NKAIN2: variants seen among roughly 807,000 people sequenced by gnomAD.
NKAIN2 encodes sodium/potassium-transporting ATPase subunit beta-1-interacting protein 2.
Under a neutral mutation model 32.6 loss-of-function variants are expected in NKAIN2, and 14 were observed. The observed-to-expected ratio is 0.43, with a 90% CI of 0.28 to 0.67. The LOEUF (loss-of-function observed/expected upper bound fraction) is 0.67. NKAIN2 is among the 30% of genes least tolerant of loss of function. The probability of loss-of-function intolerance (pLI) is 0.17; values close to 1 mark genes in which losing one functional copy is unlikely to be tolerated. For missense variants in NKAIN2, 198 were observed against 258.3 expected (o/e 0.77, Z 1.60); for synonymous variants, 80 against 87.2 (o/e 0.92, Z 0.46).
At chr6:124,102,513 A>G (rs1784935457) in intron 1 of NKAIN2, among the ~76,000 whole-genome samples, 1 of 152,150 alleles carries the variant, frequency 6.6e-6, no homozygotes, top group African/African-American at 2.4e-5. Context: ...CGATGCCCCA[A>G]GAGAGAAGGT....
intron 4 of NKAIN2, among the ~76,000 whole-genome samples, chr6:124,664,132 G>A (rs1772643627): frequency 6.6e-6 from 1 of 151,726 alleles, no homozygotes; most frequent in South Asian, 2.1e-4. Flanking sequence ...AAAATTTGCT[G>A]GACATGGTGG....
intron 3 of NKAIN2, among the ~76,000 whole-genome samples, chr6:124,415,162 A>T (rs1019686342): frequency 6.6e-6 from 1 of 152,152 alleles, no homozygotes. Flanking sequence ...ATAGCATCAG[A>T]TTCCACAGAT....
chr6:124,763,881 G>A (rs1303299557), intron 4 of NKAIN2, among the ~76,000 whole-genome samples: 1 of 152,112 alleles, frequency 6.6e-6, no homozygotes. Flanking sequence ...GTATTATAAA[G>A]CATTTGCTTC....
At chr6:123,868,796 C>T (rs1342467341) in intron 1 of NKAIN2, among the ~76,000 whole-genome samples, 1 of 152,092 alleles carries the variant, frequency 6.6e-6, no homozygotes, top group Non-Finnish European at 1.5e-5. Context: ...ACCAACTGTA[C>T]CTTGTACTCA....
intron 1 of NKAIN2, among the ~76,000 whole-genome samples, chr6:123,807,744 T>C (rs1413649627): frequency 1.3e-5 from 2 of 152,148 alleles, no homozygotes; most frequent in East Asian, 1.9e-4. Flanking sequence ...TTTTGTACTT[T>C]AGACTTCTGG....
At chr6:123,846,284 C>T (rs1240873574) in intron 1 of NKAIN2, among the ~76,000 whole-genome samples, 4 of 152,082 alleles carry the variant, frequency 2.6e-5, no homozygotes, top group Non-Finnish European at 5.9e-5. Context: ...TAGTTAAGTC[C>T]TCATAGGCTA....
intron 3 of NKAIN2, among the ~76,000 whole-genome samples, chr6:124,387,172 T>C (rs1772935474): frequency 1.3e-5 from 2 of 152,244 alleles, no homozygotes; most frequent in South Asian, 4.1e-4. Flanking sequence ...CATGTATGCA[T>C]ATACATACAT....
At chr6:124,645,920 AG>A (rs1784151182) in intron 3 of NKAIN2, among the ~76,000 whole-genome samples, 1 of 152,160 alleles carries the variant, frequency 6.6e-6, no homozygotes, top group Admixed American at 6.5e-5. Context: ...CATCTAGAAT[AG>A]TGTTACCCAC....
At chr6:123,843,230 A>C (rs1774949489) in intron 1 of NKAIN2, among the ~76,000 whole-genome samples, 1 of 152,164 alleles carries the variant, frequency 6.6e-6, no homozygotes, top group Middle Eastern at 3.2e-3. Context: ...CTTGTCCAGA[A>C]TCCAGGAAGA....
At chr6:124,353,046 C>T (rs1488110622) in intron 2 of NKAIN2, among the ~76,000 whole-genome samples, 3 of 152,186 alleles carry the variant, frequency 2.0e-5, no homozygotes, top group African/African-American at 4.8e-5. Context: ...CCTCATACTA[C>T]ATGAATGATC....
intron 1 of NKAIN2, among the ~76,000 whole-genome samples, chr6:123,832,098 A>C (rs1312862523): frequency 6.6e-6 from 1 of 152,130 alleles, no homozygotes; most frequent in Non-Finnish European, 1.5e-5. Flanking sequence ...GAGTACTTTC[A>C]CTGCCATGAC....
chr6:124,519,929 C>T (rs2114793893), intron 3 of NKAIN2, among the ~76,000 whole-genome samples: 1 of 152,220 alleles, frequency 6.6e-6, no homozygotes, highest in Non-Finnish European at 1.5e-5. Context: ...AGACTCTTTA[C>T]AGTCATGATC....
At chr6:124,400,008 T>A (rs1370331320) in intron 3 of NKAIN2, among the ~76,000 whole-genome samples, 1 of 152,162 alleles carries the variant, frequency 6.6e-6, no homozygotes. Flanking sequence ...AAAAATAAAT[T>A]AGAGACTATG....
chr6:124,708,203 C>G (rs1775207629), intron 4 of NKAIN2, among the ~76,000 whole-genome samples: 2 of 143,966 alleles, frequency 1.4e-5, no homozygotes, highest in Admixed American at 7.0e-5. Flanking sequence ...TGATCTATAT[C>G]TCTGTTTTGG....
chr6:124,693,037 T>G (rs1347535895), intron 4 of NKAIN2, among the ~76,000 whole-genome samples: 1 of 152,198 alleles, frequency 6.6e-6, no homozygotes, highest in Non-Finnish European at 1.5e-5. Context: ...GTATTTACAC[T>G]GAACTTCTAT....
intron 3 of NKAIN2, among the ~76,000 whole-genome samples, chr6:124,396,256 TAATA>T (rs1392453528): frequency 5.3e-5 from 8 of 151,628 alleles, no homozygotes; most frequent in Non-Finnish European, 1.0e-4. Context: ...AATAATTTAA[TAATA>T]AATTGTTACT....
At chr6:124,014,329 C>T (rs546919676) in intron 1 of NKAIN2, among the ~76,000 whole-genome samples, 1 of 152,176 alleles carries the variant, frequency 6.6e-6, no homozygotes, top group African/African-American at 2.4e-5. Context: ...ACAAAAATAA[C>T]AGTATCTTGA....
At chr6:124,186,239 A>G (rs115951299) in intron 1 of NKAIN2, among the ~76,000 whole-genome samples, 2,381 of 151,718 alleles carry the variant, frequency 0.016, 70 homozygotes, top group African/African-American at 0.055. Flanking sequence ...AGAGAGAGAA[A>G]GGAAAGAAAG....
intron 4 of NKAIN2, among the ~76,000 whole-genome samples, chr6:124,676,557 C>T (rs1773364864): frequency 6.6e-6 from 1 of 152,078 alleles, no homozygotes; most frequent in South Asian, 2.1e-4. Flanking sequence ...TGAGTTCACC[C>T]TATTATCCCT....
Sources: gnomAD v4.1 joint callset for allele counts (sites outside exome capture counted in the v4.1 genomes callset) on GRCh38, gnomAD v4.1.1 for gene constraint, MANE v1.5 for transcripts, NCBI Gene and HGNC (gene_info 2026-07-23, HGNC 2026-07-21) for gene names.